The following NAA11 variants were observed in gnomAD, a reference collection of about 807,000 sequenced individuals.
The protein encoded by NAA11 is N-alpha-acetyltransferase 11, NatA catalytic subunit.
A neutral mutation model predicts 16.1 loss-of-function variants in NAA11; 15 were observed. That is an observed-to-expected ratio of 0.93 (90% confidence interval 0.62 to 1.44). NAA11 has a LOEUF of 1.44. Ranked by LOEUF, NAA11 falls within the 40% of genes most tolerant of loss-of-function variation. The probability of loss-of-function intolerance (pLI) is 0.00; values close to 1 mark genes in which losing one functional copy is unlikely to be tolerated. For synonymous variants in NAA11, 122 were observed against 112.4 expected, an observed-to-expected ratio of 1.09 and a Z score of -0.54; for missense variants, 298 against 291.3, an observed-to-expected ratio of 1.02 and a Z score of -0.17.
At chr4:79,303,229 A>T (rs1296759830) in intron 1 of NAA11, among the ~76,000 whole-genome samples, 1 of 151,348 alleles carries the variant, frequency 6.6e-6, no homozygotes, top group Non-Finnish European at 1.5e-5. Flanking sequence ...GCTAACATGG[A>T]CCATCTGAAA....
intron 2 of NAA11, among the ~76,000 whole-genome samples, chr4:79,248,997 C>T (rs934747424): frequency 1.3e-5 from 2 of 152,178 alleles, no homozygotes; most frequent in East Asian, 1.9e-4. Flanking sequence ...TTGAGCCCCC[C>T]CCCAGTGCAG....
At chr4:79,210,080 T>G in the NAA11 span, among the ~76,000 whole-genome samples, 3 of 152,140 alleles carry the variant, frequency 2.0e-5, no homozygotes, top group African/African-American at 7.2e-5. Context: ...GTTATGCATG[T>G]GTCTAATTGA....
At chr4:79,290,639 G>C (rs889969948) in intron 2 of NAA11, among the ~76,000 whole-genome samples, 1 of 152,136 alleles carries the variant, frequency 6.6e-6, no homozygotes, top group African/African-American at 2.4e-5. Context: ...CAGGACTCCA[G>C]GAACAGTTGT....
intron 2 of NAA11, among the ~76,000 whole-genome samples, chr4:79,272,010 A>C (rs1315827241): frequency 6.6e-6 from 1 of 151,946 alleles, no homozygotes; most frequent in Admixed American, 6.6e-5. Context: ...ACACACACAC[A>C]CATATATATA....
downstream of NAA11, among the ~76,000 whole-genome samples, chr4:79,223,382 A>T (rs1721236488): frequency 6.6e-6 from 1 of 150,524 alleles, no homozygotes; most frequent in African/African-American, 2.4e-5. Context: ...ATTCTCAGTG[A>T]ACTATCACAA....
chr4:79,283,249 A>G (rs1208665858), intron 2 of NAA11, among the ~76,000 whole-genome samples: 5 of 152,094 alleles, frequency 3.3e-5, no homozygotes, highest in Non-Finnish European at 5.9e-5. Flanking sequence ...ATAAAGGGAT[A>G]GTAGTGAATA....
At chr4:79,197,864 G>A in the NAA11 span, among the ~76,000 whole-genome samples, 1 of 152,072 alleles carries the variant, frequency 6.6e-6, no homozygotes, top group African/African-American at 2.4e-5. Flanking sequence ...CTTCAGAGAT[G>A]AAATGACATT....
chr4:79,161,025 A>G, the NAA11 span, among the ~76,000 whole-genome samples: 1 of 152,210 alleles, frequency 6.6e-6, no homozygotes, highest in Non-Finnish European at 1.5e-5. Flanking sequence ...ATCCAAGATT[A>G]CAAGGATTTA....
At chr4:79,170,665 G>GA in the NAA11 span, among the ~76,000 whole-genome samples, 1 of 152,124 alleles carries the variant, frequency 6.6e-6, no homozygotes, top group Non-Finnish European at 1.5e-5. Flanking sequence ...GAAAACTTGA[G>GA]AAAATATATT....
chr4:79,183,177 G>A, the NAA11 span, among the ~76,000 whole-genome samples: 4 of 152,098 alleles, frequency 2.6e-5, no homozygotes, highest in Admixed American at 2.0e-4. Context: ...AGCTGTAAAA[G>A]TTTAAATCTG....
At chr4:79,168,659 T>C in the NAA11 span, among the ~76,000 whole-genome samples, 1 of 152,248 alleles carries the variant, frequency 6.6e-6, no homozygotes, top group Non-Finnish European at 1.5e-5. Flanking sequence ...ATTTACCACA[T>C]AAATGTCTTC....
the NAA11 span, among the ~76,000 whole-genome samples, chr4:79,211,361 CAGT>C: frequency 1.3e-5 from 2 of 151,748 alleles, no homozygotes; most frequent in Admixed American, 1.3e-4. Context: ...TTTTTTTTCA[CAGT>C]AGTTATTCCC....
chr4:79,241,492 C>T (rs1417578355), intron 2 of NAA11, among the ~76,000 whole-genome samples: 1 of 149,328 alleles, frequency 6.7e-6, no homozygotes, highest in Non-Finnish European at 1.5e-5. Flanking sequence ...AGTGCAGAAA[C>T]AAGGACCATA....
At chr4:79,320,257 A>T (rs1724053362) in intron 1 of NAA11, among the ~76,000 whole-genome samples, 1 of 152,214 alleles carries the variant, frequency 6.6e-6, no homozygotes, top group Non-Finnish European at 1.5e-5. Flanking sequence ...TTTAATCATT[A>T]AGATGCATTT....
chr4:79,230,439 TAAAA>T (rs1425579668), intron 2 of NAA11, among the ~76,000 whole-genome samples: 1 of 151,462 alleles, frequency 6.6e-6, no homozygotes, highest in East Asian at 1.9e-4. Context: ...AATAAATAAA[TAAAA>T]AGATTTTATA....
intron 2 of NAA11, among the ~76,000 whole-genome samples, chr4:79,243,045 C>T (rs928688177): frequency 6.6e-6 from 1 of 152,160 alleles, no homozygotes; most frequent in Non-Finnish European, 1.5e-5. Flanking sequence ...ATGCTTCTTT[C>T]GGTTACCCAA....
At chr4:79,185,357 C>T in the NAA11 span, among the ~76,000 whole-genome samples, 1 of 152,128 alleles carries the variant, frequency 6.6e-6, no homozygotes, top group Non-Finnish European at 1.5e-5. Context: ...CCCCATAATT[C>T]TCATGCAGGA....
chr4:79,220,782 C>T (rs982272732), downstream of NAA11, among the ~76,000 whole-genome samples: 5 of 151,932 alleles, frequency 3.3e-5, no homozygotes, highest in Non-Finnish European at 7.4e-5. Context: ...TGTAGCCTTG[C>T]AGTATAGTTT....
the NAA11 span, among the ~76,000 whole-genome samples, chr4:79,187,512 CAGTT>C: frequency 5.9e-5 from 9 of 152,158 alleles, no homozygotes; most frequent in East Asian, 1.9e-4. Flanking sequence ...CTAACCGTGA[CAGTT>C]AGTCCTGAGG....
Sources: gnomAD v4.1 joint callset for allele counts (sites outside exome capture counted in the v4.1 genomes callset) on GRCh38, gnomAD v4.1.1 for gene constraint, MANE v1.5 for transcripts, NCBI Gene and HGNC (gene_info 2026-07-23, HGNC 2026-07-21) for gene names.